SEC31A: variants seen among roughly 807,000 people sequenced by gnomAD.
The protein encoded by SEC31A is protein transport protein Sec31A.
In SEC31A, 70 loss-of-function variants were observed where a neutral mutation model predicts 151.0. The observed-to-expected ratio is 0.46, with a 90% CI of 0.38 to 0.57. The LOEUF (loss-of-function observed/expected upper bound fraction) is 0.57, where lower values mean the gene tolerates loss of function less well. SEC31A is among the 20% of genes least tolerant of loss of function. The probability of loss-of-function intolerance (pLI) is 0.00; values close to 1 mark genes in which losing one functional copy is unlikely to be tolerated. For synonymous variants in SEC31A, 475 were observed against 505.9 expected, an observed-to-expected ratio of 0.94 and a Z score of 0.82; for missense variants, 1,330 against 1,471.2, an observed-to-expected ratio of 0.90 and a Z score of 1.57.
In SEC31A at chr4:82,883,988, C is replaced by CTT. The variant is rs11373334; in HGVS notation, c.-4-2050_-4-2049dup. Among the ~76,000 whole-genome samples the CTT allele has an allele frequency of 4.5e-3, 572 of 125,806 alleles. 3 individuals are homozygous for CTT. Among genetic ancestry groups the CTT allele is most frequent in the Middle Eastern group, 8.3e-3 (2 of 242 alleles). 82.5% of individuals were successfully genotyped at this position (125,806 alleles called of 152,430 possible). On this transcript the variant is annotated intron_variant, in intron 1 of 26. Coordinates refer to ENST00000395310, the MANE Select transcript of SEC31A (RefSeq NM_001077207.4). The stretch of plus-strand genomic sequence containing the variant: ...TATTTGACCATTTTTCTTTTCTATT[C>CTT]TTTTTTTTTTTTTTTTGGAGATGGA...
At chr4:82,900,555 G>C, upstream of SEC31A, 1 of 537,386 alleles carries the variant, frequency 1.9e-6, no homozygotes, top group Non-Finnish European at 3.3e-6. Flanking sequence ...CGCGGAGGGA[G>C]GAGCGGTCAA....
chr4:82,846,622 G>T (rs1275095130), intron 20 of SEC31A, among the ~76,000 whole-genome samples: 1 of 151,944 alleles, frequency 6.6e-6, no homozygotes, highest in Non-Finnish European at 1.5e-5. Flanking sequence ...TCCACTTAAT[G>T]ATGAATATTA....
chr4:82,874,903 A>G, intron 5 of SEC31A, 152 bp from the exon 6 acceptor site: 1 of 745,158 alleles, frequency 1.3e-6, no homozygotes, highest in Non-Finnish European at 2.1e-6. Context: ...ACATCTCTAC[A>G]TTCTCAACAC....
At chr4:82,828,016 G>T (rs1725013099) in intron 23 of SEC31A, among the ~76,000 whole-genome samples, 1 of 151,932 alleles carries the variant, frequency 6.6e-6, no homozygotes, top group Non-Finnish European at 1.5e-5. Context: ...CCAGGTTCAA[G>T]CAATTCTCGT....
intron 18 of SEC31A, among the ~76,000 whole-genome samples, chr4:82,852,370 CAG>C (rs1269636595): frequency 1.3e-5 from 2 of 152,186 alleles, no homozygotes; most frequent in African/African-American, 4.8e-5. Context: ...GACCCATAGA[CAG>C]AGGCATGTGA....
At chr4:82,868,570 T>C (rs1001959115) in intron 8 of SEC31A, among the ~76,000 whole-genome samples, 2 of 152,022 alleles carry the variant, frequency 1.3e-5, no homozygotes, top group Non-Finnish European at 2.9e-5. Flanking sequence ...ACCTTCACAA[T>C]GTAATCCTTG....
rs556471935 is a variant in SEC31A at position 82,834,924 on chromosome 4, C to T, written c.2969-5866G>A. Among the ~76,000 whole-genome samples, 10 of 152,292 alleles carry T rather than the reference C, an allele frequency of 6.6e-5. No homozygotes were observed. In the East Asian group the frequency reaches 1.9e-3, roughly 29 times the overall value. On this transcript the variant is annotated intron_variant, in intron 22 of 26. Coordinates refer to ENST00000395310, the MANE Select transcript of SEC31A (RefSeq NM_001077207.4). The stretch of plus-strand genomic sequence containing the variant: ...GCAATGGCACAATCCCGGCTCACTG[C>T]AACCTCTGCCTCCTGGGTTCAAGCA...
intron 22 of SEC31A, among the ~76,000 whole-genome samples, chr4:82,829,675 C>G (rs975731985): frequency 1.3e-5 from 2 of 150,792 alleles, no homozygotes; most frequent in African/African-American, 4.9e-5. Context: ...TTTTTAATGC[C>G]GTAAAAAAAA....
At chr4:82,855,887 C>T (rs1211921210) in intron 16 of SEC31A, among the ~76,000 whole-genome samples, 2 of 152,078 alleles carry the variant, frequency 1.3e-5, no homozygotes, top group Non-Finnish European at 2.9e-5. Flanking sequence ...CCCTATGACA[C>T]GAGTTTACTC....
intron 14 of SEC31A, 153 bp from the exon 15 acceptor site, chr4:82,857,917 T>C (rs1733046557): frequency 1.9e-6 from 1 of 530,370 alleles, no homozygotes; most frequent in Non-Finnish European, 3.4e-6. Context: ...ACAACTAAGA[T>C]CTATGCCTTC....
intron 17 of SEC31A, among the ~76,000 whole-genome samples, 196 bp downstream of exon 17, chr4:82,854,707 A>T (rs1392580467): frequency 1.7e-5 from 2 of 120,962 alleles, no homozygotes; most frequent in East Asian, 2.1e-4. Context: ...AATCACTAGT[A>T]GATTTAAAAA....
At chr4:82,846,335 T>G (rs911992416) in intron 20 of SEC31A, among the ~76,000 whole-genome samples, 7 of 148,556 alleles carry the variant, frequency 4.7e-5, no homozygotes, top group African/African-American at 1.7e-4. Context: ...AAATCCTTTT[T>G]GTCAAGTAAA....
At chr4:82,891,377 C>T (rs1441807047), upstream of SEC31A, 2 of 607,666 alleles carry the variant, frequency 3.3e-6, no homozygotes, top group Non-Finnish European at 5.8e-6. Flanking sequence ...CCCCGGCGAT[C>T]GTAGAAACCC....
chr4:82,826,633 G>A (rs1012231248), intron 24 of SEC31A, among the ~76,000 whole-genome samples: 3 of 152,362 alleles, frequency 2.0e-5, no homozygotes, highest in South Asian at 2.1e-4. Context: ...GATAAGAGGC[G>A]TGAGCCACTG....
chr4:82,858,015 C>T (rs778295772), intron 14 of SEC31A: 15 of 294,908 alleles, frequency 5.1e-5, no homozygotes, highest in Admixed American at 2.9e-4. Context: ...CAGTGGCTCA[C>T]GTCTGTAATC....
intron 22 of SEC31A, among the ~76,000 whole-genome samples, chr4:82,837,199 A>ATATATGT (rs56888042): frequency 8.4e-5 from 7 of 83,132 alleles, no homozygotes; most frequent in Non-Finnish European, 1.7e-4. Context: ...ATATATATAT[A>ATATATGT]ATTTCACCAC....
intron 19 of SEC31A, among the ~76,000 whole-genome samples, chr4:82,850,202 G>C (rs1204189009): frequency 1.3e-5 from 2 of 151,696 alleles, no homozygotes; most frequent in African/African-American, 4.8e-5. Context: ...ATGAGCTACG[G>C]GTCTTAAAGC....
Position 82,842,310 on chromosome 4 carries a change from G to C in SEC31A, c.2798C>G (p.Ser933Cys). The C allele has an allele frequency of 6.2e-7, 1 of 1,613,624 alleles. No individual in the cohort carries two copies. The highest frequency in any genetic ancestry group is 8.5e-7 in the Non-Finnish European group (1 of 1,179,756). The change falls in exon 22 of 27, where the codon TCT becomes TGT. Residue 933 changes from serine (S) to cysteine (C), a missense_variant. Coordinates refer to ENST00000395310, the MANE Select transcript of SEC31A (RefSeq NM_001077207.4). ...AGTAGCAGGGCTGGAGGTAGGTGAAGAGGCCTGGTGCTGTGCTGCGTACAG... is the reference window on the plus strand; with the variant it reads ...AGTAGCAGGGCTGGAGGTAGGTGAACAGGCCTGGTGCTGTGCTGCGTACAG... ...SQLYAAQHQASSPTSSPATSF... is the reference protein window; with the variant it reads ...SQLYAAQHQACSPTSSPATSF...
chr4:82,861,331 GT>G (rs1337298079), intron 14 of SEC31A, among the ~76,000 whole-genome samples: 1 of 152,206 alleles, frequency 6.6e-6, no homozygotes, highest in Non-Finnish European at 1.5e-5. Context: ...CAGTGAGGAT[GT>G]TTGAATAAAA....
Sources: gnomAD v4.1 joint callset for allele counts (sites outside exome capture counted in the v4.1 genomes callset) on GRCh38, gnomAD v4.1.1 for gene constraint, MANE v1.5 for transcripts, NCBI Gene and HGNC (gene_info 2026-07-23, HGNC 2026-07-21) for gene names.